The following NHSL1 variants were observed in gnomAD, a reference collection of about 807,000 sequenced individuals.
NHSL1 encodes the protein NHS-like protein 1.
In NHSL1, 48 loss-of-function variants were observed where a neutral mutation model predicts 95.0. The observed-to-expected ratio is 0.51, with a 90% CI of 0.40 to 0.64. NHSL1 has a LOEUF of 0.64. Among genes scored for constraint, NHSL1 ranks in the 30% least tolerant of loss-of-function variants. NHSL1 has a pLI of 0.00. For missense variants in NHSL1, 1,971 were observed against 2,077.7 expected (o/e 0.95, Z 1.00); for synonymous variants, 783 against 833.9 (o/e 0.94, Z 1.05).
chr6:138,609,034 C>CT (rs1178960203), intron 1 of NHSL1, among the ~76,000 whole-genome samples: 1 of 152,180 alleles, frequency 6.6e-6, no homozygotes, highest in Non-Finnish European at 1.5e-5. Flanking sequence ...ACTATATACA[C>CT]TTTTTTTGTT....
At chr6:138,437,803 TG>T (rs1776285358) in intron 5 of NHSL1, among the ~76,000 whole-genome samples, 2 of 152,250 alleles carry the variant, frequency 1.3e-5, no homozygotes, top group South Asian at 4.2e-4. Flanking sequence ...AAGACTGAAG[TG>T]AAGGAAGTGA....
At chr6:138,507,722 A>T (rs1235258320) in intron 1 of NHSL1, among the ~76,000 whole-genome samples, 1 of 152,232 alleles carries the variant, frequency 6.6e-6, no homozygotes, top group African/African-American at 2.4e-5. Flanking sequence ...AAAGCATGTT[A>T]AAAATCACCA....
Position 138,449,240 on chromosome 6 carries a change from A to T in NHSL1, c.340-2047T>A, listed in dbSNP as rs147259825. Among the ~76,000 whole-genome samples the T allele has an allele frequency of 1.0e-3, 158 of 152,318 alleles. No individual in the cohort carries two copies. In the East Asian group the frequency reaches 0.013, roughly 13 times the overall value. On this transcript the variant is annotated intron_variant, in intron 3 of 7. Coordinates refer to ENST00000343505, the MANE Select transcript of NHSL1 (RefSeq NM_001144060.2). The stretch of plus-strand genomic sequence containing the variant: ...TTGGCGATAGGGCCCTAGACTAAGA[A>T]TCCAAAGACCTGAGTCTGTTCCTAA...
chr6:138,600,080 G>A (rs1033336146), intron 1 of NHSL1, among the ~76,000 whole-genome samples: 2 of 151,374 alleles, frequency 1.3e-5, no homozygotes, highest in Non-Finnish European at 2.9e-5. Flanking sequence ...GGAGGCAGAG[G>A]TTGCAGTGAA....
At chr6:138,613,172 G>C (rs571228947) in intron 1 of NHSL1, among the ~76,000 whole-genome samples, 2 of 152,288 alleles carry the variant, frequency 1.3e-5, no homozygotes, top group Non-Finnish European at 2.9e-5. Context: ...ACTAACTGCA[G>C]GCCAAAATAT....
chr6:138,612,109 C>CAAAAAAAA (rs368848438), intron 1 of NHSL1, among the ~76,000 whole-genome samples: 3 of 73,488 alleles, frequency 4.1e-5, no homozygotes, highest in African/African-American at 9.9e-5. Context: ...GACTCCATCT[C>CAAAAAAAA]AAAAAAAAAA....
At chr6:138,487,176 T>C (rs1779781323) in intron 2 of NHSL1, among the ~76,000 whole-genome samples, 1 of 152,196 alleles carries the variant, frequency 6.6e-6, no homozygotes, top group Admixed American at 6.5e-5. Flanking sequence ...AAGGTGATTC[T>C]GCAGATGAGA....
chr6:138,478,681 A>T (rs193011003), intron 2 of NHSL1, among the ~76,000 whole-genome samples: 19 of 152,356 alleles, frequency 1.2e-4, no homozygotes, highest in African/African-American at 4.3e-4. Context: ...CACAGGCTAG[A>T]AACAAGATCC....
intron 1 of NHSL1, among the ~76,000 whole-genome samples, chr6:138,588,114 G>A (rs1784166021): frequency 6.6e-6 from 1 of 152,242 alleles, no homozygotes; most frequent in African/African-American, 2.4e-5. Flanking sequence ...TTAATTCTCA[G>A]GGCTTGGTCA....
Position 138,430,107 on chromosome 6 carries a change from G to A in NHSL1, c.3953-264C>T, listed in dbSNP as rs182301614. ...GCAACGTTTCTTTGCGCGGCTCTTCGGAAGGGAGGTGTTACCCATTGCTAT... is the reference window on the plus strand; with the variant it reads ...GCAACGTTTCTTTGCGCGGCTCTTCAGAAGGGAGGTGTTACCCATTGCTAT... On this transcript the variant is annotated intron_variant, in intron 6 of 7. Transcript: ENST00000343505. This position sits in a 1 kb window ranked among gnomAD's most constrained non-coding sequence, Gnocchi z 4.7. 7.9e-5 allele frequency among the ~76,000 whole-genome samples: 12 copies of A among 152,282 alleles called. No individual in the cohort carries two copies. Among genetic ancestry groups the A allele is most frequent in the Admixed American group, 7.2e-4 (11 of 15,302 alleles).
At chr6:138,663,358 C>T (rs190334674) in intron 1 of NHSL1, among the ~76,000 whole-genome samples, 113 of 151,918 alleles carry the variant, frequency 7.4e-4, no homozygotes, top group African/African-American at 2.5e-3. Flanking sequence ...ATCGGGAGTT[C>T]GAGACCAGCC....
intron 1 of NHSL1, among the ~76,000 whole-genome samples, chr6:138,688,860 C>G (rs1257263780): frequency 1.3e-5 from 2 of 152,130 alleles, no homozygotes; most frequent in African/African-American, 2.4e-5. Flanking sequence ...TGGTTAAGCA[C>G]TAAACATTAA....
Position 138,542,790 on chromosome 6 carries a change from G to A in NHSL1, c.16+2833C>T, listed in dbSNP as rs181660022. On this transcript the variant is annotated intron_variant, in intron 1 of 4. Coordinates refer to the NHSL1 transcript ENST00000342260. Reference sequence around the variant, plus strand: ...CTTTAAACATTTTTTTCGAGACAGGGTCTCACTCTATTGCCCAGGCTAGAG... The same window carrying A: ...CTTTAAACATTTTTTTCGAGACAGGATCTCACTCTATTGCCCAGGCTAGAG... Among the ~76,000 whole-genome samples the A allele has an allele frequency of 3.9e-5, 6 of 152,078 alleles. No homozygotes were observed. The East Asian group carries it at 7.7e-4, about 20-fold the overall frequency.
At chr6:138,464,860 G>A (rs528667610) in intron 3 of NHSL1, among the ~76,000 whole-genome samples, 3 of 150,794 alleles carry the variant, frequency 2.0e-5, no homozygotes, top group South Asian at 4.2e-4. Context: ...TTACAGGTGC[G>A]TGCCACCACG....
Position 138,606,936 on chromosome 6 carries a change from C to A in NHSL1, c.96+85540G>T, listed in dbSNP as rs2114581265. ...GCCAGGATGGTCTCGATCTCCTGACCTCATGATCCGCCTGCCTCAGCCTCC... is the reference window on the plus strand; with the variant it reads ...GCCAGGATGGTCTCGATCTCCTGACATCATGATCCGCCTGCCTCAGCCTCC... On this transcript the variant is annotated intron_variant, in intron 1 of 3. Transcript: ENST00000491526. Among the ~76,000 whole-genome samples the A allele has an allele frequency of 2.0e-5, 3 of 152,142 alleles. No individual in the cohort carries two copies. In the South Asian group the frequency reaches 6.2e-4, roughly 32 times the overall value.
At chr6:138,670,680 A>C (rs7745006) in intron 1 of NHSL1, among the ~76,000 whole-genome samples, 3,637 of 151,198 alleles carry the variant, frequency 0.024, 168 homozygotes, top group African/African-American at 0.083. Flanking sequence ...AAAAAAAAAA[A>C]AAAAAACTTT....
chr6:138,568,961 C>A (rs555956044), intron 1 of NHSL1, among the ~76,000 whole-genome samples: 4 of 152,320 alleles, frequency 2.6e-5, no homozygotes, highest in Admixed American at 1.3e-4. Flanking sequence ...TATTAAAAGA[C>A]CTTCTGTTTC....
chr6:138,469,467 T>C (rs945398428), intron 3 of NHSL1, among the ~76,000 whole-genome samples: 3 of 152,214 alleles, frequency 2.0e-5, no homozygotes, highest in African/African-American at 7.2e-5. Flanking sequence ...CTCACGCCTG[T>C]AAGCCTAGAA....
upstream of NHSL1, chr6:138,545,821 C>T (rs1782771436): frequency 8.6e-7 from 1 of 1,169,054 alleles, no homozygotes; most frequent in South Asian, 1.7e-5. Context: ...GCTGCTGACA[C>T]CTCCCTATCT....
Sources: gnomAD v4.1 joint callset for allele counts (sites outside exome capture counted in the v4.1 genomes callset) on GRCh38, gnomAD v4.1.1 for gene constraint, Gnocchi (gnomAD v3.1) non-coding constraint, MANE v1.5 for transcripts, NCBI Gene and HGNC (gene_info 2026-07-23, HGNC 2026-07-21) for gene names.